PCDH10: variants seen among roughly 807,000 people sequenced by gnomAD.
The protein encoded by PCDH10 is protocadherin-10.
A neutral mutation model predicts 74.4 loss-of-function variants in PCDH10; 15 were observed. The observed-to-expected ratio is 0.20, with a 90% confidence interval of 0.13 to 0.31. The LOEUF (loss-of-function observed/expected upper bound fraction) is 0.31. PCDH10 is among the 10% of genes least tolerant of loss of function. The pLI, the probability that PCDH10 is intolerant of heterozygous loss-of-function variation, is 1.00. For missense variants in PCDH10, 1,260 were observed against 1,390.2 expected, an observed-to-expected ratio of 0.91 and a Z score of 1.49; for synonymous variants, 619 against 589.8, an observed-to-expected ratio of 1.05 and a Z score of -0.72.
intron 2 of PCDH10, among the ~76,000 whole-genome samples, chr4:133,204,527 T>C (rs1727965158): frequency 6.6e-6 from 1 of 152,168 alleles, no homozygotes; most frequent in African/African-American, 2.4e-5. Flanking sequence ...TGCCCATGTA[T>C]AGTCAATTAA....
intron 4 of PCDH10, among the ~76,000 whole-genome samples, chr4:133,168,706 C>A (rs1219537575): frequency 1.3e-5 from 2 of 151,478 alleles, no homozygotes; most frequent in Non-Finnish European, 3.0e-5. Context: ...GACTCATTAT[C>A]CAGCTATGCA....
chr4:133,201,647 G>A (rs1383166774), intron 2 of PCDH10, among the ~76,000 whole-genome samples: 3 of 151,986 alleles, frequency 2.0e-5, no homozygotes, highest in Admixed American at 6.6e-5. Context: ...AACTGAGGTC[G>A]GAAGTTTGAG....
At chr4:133,205,303 G>C (rs1251783573) in intron 2 of PCDH10, among the ~76,000 whole-genome samples, 1 of 152,158 alleles carries the variant, frequency 6.6e-6, no homozygotes, top group Non-Finnish European at 1.5e-5. Flanking sequence ...ACTTGGTCAG[G>C]CTTGACTCAT....
At chr4:133,160,818 T>C (rs1726954106) in intron 3 of PCDH10, among the ~76,000 whole-genome samples, 1 of 151,854 alleles carries the variant, frequency 6.6e-6, no homozygotes, top group Admixed American at 6.6e-5. Context: ...GCTATTCAAA[T>C]TGAGTATATT....
intron 4 of PCDH10, among the ~76,000 whole-genome samples, chr4:133,173,125 C>A (rs1230102349): frequency 6.6e-6 from 1 of 151,820 alleles, no homozygotes; most frequent in Non-Finnish European, 1.5e-5. Flanking sequence ...TTTCTTTGAA[C>A]GCAGATTAGA....
At position 133,154,313 on chromosome 4, in the gene PCDH10, C is replaced by T. The variant is rs780341723; in HGVS notation, c.2638C>T (p.His880Tyr). 6.8e-6 allele frequency: 11 copies of T among 1,605,914 alleles called. No individual in the cohort carries two copies. The highest frequency in any genetic ancestry group is 3.3e-5 in the South Asian group (3 of 89,944). ...NGSILSNETKHQRAELSYLVD... is the reference protein window; with the variant it reads ...NGSILSNETKYQRAELSYLVD... ...TTATTTATTTTTTTCCTAGACTAAA[C>T]ACCAGCGAGCAGAGCTCAGCTATCT... The change falls in exon 2 of 5, where the codon CAC becomes TAC. Residue 880 changes from histidine (H) to tyrosine (Y), a missense_variant. Around this residue, in one of 11 missense-constraint regions of PCDH10, gnomAD observed 587 missense variants for 616.9 expected, o/e 0.95. Transcript: ENST00000264360.
chr4:133,157,426 GTTTTA>G (rs1436076081), intron 3 of PCDH10, among the ~76,000 whole-genome samples: 1 of 152,020 alleles, frequency 6.6e-6, no homozygotes, highest in African/African-American at 2.4e-5. Context: ...AGATAAATCT[GTTTTA>G]TTTCATTGTA....
intron 3 of PCDH10, among the ~76,000 whole-genome samples, chr4:133,158,698 A>AAC (rs1204605227): frequency 1.3e-5 from 2 of 152,140 alleles, no homozygotes; most frequent in Non-Finnish European, 2.9e-5. Flanking sequence ...GTTTATTATA[A>AAC]ACACAAATAC....
In PCDH10 at chr4:133,151,536, C is replaced by T. The variant is rs1363364349; in HGVS notation, c.1396C>T (p.Pro466Ser). ...VNDNAPRFSQPVYDVYVTENN... is the reference protein window; with the variant it reads ...VNDNAPRFSQSVYDVYVTENN... ...CGACAACGCGCCGCGTTTCAGCCAG[C>T]CGGTCTACGACGTGTATGTGACTGA... The change falls in exon 1 of 5, where the codon CCG becomes TCG. Residue 466 changes from proline (P) to serine (S), a missense_variant. Physicochemically the swap from Pro to Ser is moderately conservative, Grantham distance 74. Coordinates refer to ENST00000264360, the MANE Select transcript of PCDH10 (RefSeq NM_032961.3). The T allele has an allele frequency of 6.8e-6, 11 of 1,614,000 alleles. No homozygotes were observed. Among genetic ancestry groups the T allele is most frequent in the Non-Finnish European group, 9.3e-6 (11 of 1,180,042 alleles).
Position 133,191,730 on chromosome 4 carries a change from ACAT to A in PCDH10, c.*1574_*1576del, listed in dbSNP as rs1727674365. On this transcript the variant is annotated 3_prime_UTR_variant, in exon 5 of 5. Transcript: ENST00000264360. ...TCGCCCTCTAAACTATGATATCAAA[ACAT>A]CATATCAAAGCTTCAACATTATATC... is the stretch of plus-strand genomic sequence containing the variant. 6.6e-6 allele frequency: 1 copy of A among 151,676 alleles called. No individual in the cohort carries two copies. The highest frequency in any genetic ancestry group is 2.1e-4 in the South Asian group (1 of 4,830). The allele number at this position is 151,676 out of a possible 1,614,324, so 9.4% of individuals were successfully genotyped here. A position where few individuals can be genotyped will look rare whatever the true frequency, so the allele number is the denominator to read the frequency against.
intron 3 of PCDH10, among the ~76,000 whole-genome samples, chr4:133,157,308 G>A (rs1726887535): frequency 6.6e-6 from 1 of 152,050 alleles, no homozygotes; most frequent in Non-Finnish European, 1.5e-5. Flanking sequence ...CAAATGCAGA[G>A]AATTAAAATG....
chr4:133,167,443 T>C (rs752449092), intron 4 of PCDH10, among the ~76,000 whole-genome samples: 2 of 151,584 alleles, frequency 1.3e-5, no homozygotes, highest in African/African-American at 2.4e-5. Flanking sequence ...TTCATACTTA[T>C]GTACCTCTGT....
At chr4:133,182,599 A>G (rs1305110437) in intron 4 of PCDH10, among the ~76,000 whole-genome samples, 1 of 152,098 alleles carries the variant, frequency 6.6e-6, no homozygotes, top group Non-Finnish European at 1.5e-5. Context: ...ACTCTGATGA[A>G]GGATTCCAGA....
At chr4:133,199,329 T>TA (rs1560718827), downstream of PCDH10, among the ~76,000 whole-genome samples, 21 of 119,132 alleles carry the variant, frequency 1.8e-4, no homozygotes, top group Middle Eastern at 4.5e-3. Context: ...TAATAATAAT[T>TA]AATTAAATAG....
intron 4 of PCDH10, among the ~76,000 whole-genome samples, chr4:133,174,473 G>T (rs1727254301): frequency 6.6e-6 from 1 of 151,782 alleles, no homozygotes; most frequent in Admixed American, 6.6e-5. Context: ...TACCTACTGA[G>T]TGTCCATTTT....
chr4:133,176,867 G>A (rs555906782), intron 4 of PCDH10, among the ~76,000 whole-genome samples: 4 of 151,994 alleles, frequency 2.6e-5, no homozygotes, highest in East Asian at 3.9e-4. Context: ...AGTGAAAATC[G>A]TATGAAGAAT....
chr4:133,203,242 A>G (rs1370886514), intron 2 of PCDH10, among the ~76,000 whole-genome samples: 1 of 152,170 alleles, frequency 6.6e-6, no homozygotes, highest in Non-Finnish European at 1.5e-5. Context: ...AGCAATGAGA[A>G]GTGGTCCAAT....
chr4:133,194,522 A>G lies in PCDH10; in HGVS notation c.*4362A>G, dbSNP rs1431600948. ...AGTGTTTGTTACTGTGAATGCTATAATAATACATAAGTAAAATGAGTGTAA... is the reference window on the plus strand; with the variant it reads ...AGTGTTTGTTACTGTGAATGCTATAGTAATACATAAGTAAAATGAGTGTAA... On this transcript the variant is annotated 3_prime_UTR_variant, in exon 5 of 5. Coordinates refer to ENST00000264360, the MANE Select transcript of PCDH10 (RefSeq NM_032961.3). The G allele has an allele frequency of 3.3e-5, 5 of 151,900 alleles. No individual in the cohort carries two copies. The highest frequency in any genetic ancestry group is 5.9e-5 in the Non-Finnish European group (4 of 67,828). The allele number at this position is 151,900 out of a possible 1,614,324, so 9.4% of individuals were successfully genotyped here.
chr4:133,186,207 TC>T (rs1560714755), intron 4 of PCDH10, among the ~76,000 whole-genome samples: 1 of 152,144 alleles, frequency 6.6e-6, no homozygotes, highest in Non-Finnish European at 1.5e-5. Flanking sequence ...CTTGAGAATC[TC>T]TTTTCCATTA....
Sources: gnomAD v4.1 joint callset for allele counts (sites outside exome capture counted in the v4.1 genomes callset) on GRCh38, gnomAD v4.1.1 for gene constraint, gnomAD v4.1.1 regional missense constraint, MANE v1.5 for transcripts, NCBI Gene and HGNC (gene_info 2026-07-23, HGNC 2026-07-21) for gene names.